PPP2R2A: variants seen among roughly 807,000 people sequenced by gnomAD.
PPP2R2A encodes the protein serine/threonine-protein phosphatase 2A 55 kDa regulatory subunit B alpha isoform.
Under a neutral mutation model 53.2 loss-of-function variants are expected in PPP2R2A, and 9 were observed. The ratio of observed to expected loss-of-function variants is 0.17; its 90% CI spans 0.10 to 0.30. The LOEUF is 0.30. PPP2R2A is among the 10% of genes least tolerant of loss of function. The probability of loss-of-function intolerance (pLI) is 1.00; values close to 1 mark genes in which losing one functional copy is unlikely to be tolerated. For missense variants in PPP2R2A, 235 were observed against 534.6 expected, an observed-to-expected ratio of 0.44 and a Z score of 5.53; for synonymous variants, 169 against 174.2, an observed-to-expected ratio of 0.97 and a Z score of 0.23.
At chr8:26,293,968 G>A (rs1330550574) in intron 2 of PPP2R2A, 5 of 500,252 alleles carry the variant, frequency 1.0e-5, no homozygotes, top group Non-Finnish European at 1.1e-5. Flanking sequence ...TGGAAGGAGC[G>A]GTAGATGATG....
intron 2 of PPP2R2A, among the ~76,000 whole-genome samples, chr8:26,316,510 TA>T (rs1245680277): frequency 6.6e-6 from 1 of 152,250 alleles, no homozygotes; most frequent in Non-Finnish European, 1.5e-5. Flanking sequence ...AATCAGTTTA[TA>T]TTTTTTTACT....
intron 2 of PPP2R2A, among the ~76,000 whole-genome samples, chr8:26,301,339 T>G (rs1801774425): frequency 7.4e-6 from 1 of 134,628 alleles, no homozygotes; most frequent in Non-Finnish European, 1.7e-5. Flanking sequence ...CTTTTTTTTG[T>G]TTTTTTTTTT....
At chr8:26,303,524 C>T (rs1801881621) in intron 2 of PPP2R2A, among the ~76,000 whole-genome samples, 1 of 152,166 alleles carries the variant, frequency 6.6e-6, no homozygotes, top group African/African-American at 2.4e-5. Context: ...TGCTAACTTT[C>T]CCAACTTAAC....
chr8:26,301,509 A>AT (rs1029539079), intron 2 of PPP2R2A, among the ~76,000 whole-genome samples: 2 of 150,720 alleles, frequency 1.3e-5, no homozygotes, highest in African/African-American at 4.9e-5. Context: ...GTTTTTAAAA[A>AT]TTTTTTTTTG....
chr8:26,317,779 C>G (rs771711068), intron 2 of PPP2R2A, among the ~76,000 whole-genome samples: 18 of 152,184 alleles, frequency 1.2e-4, no homozygotes, highest in Non-Finnish European at 2.5e-4. Context: ...TTCTCTCTCA[C>G]GTGACCATTG....
intron 2 of PPP2R2A, chr8:26,333,337 C>CT (rs1234790161): frequency 8.6e-6 from 2 of 233,848 alleles, no homozygotes; most frequent in African/African-American, 4.5e-5. Context: ...ATTTCTTTGT[C>CT]TTTTTTGTTT....
At chr8:26,294,338 A>G (rs1222772519) in intron 2 of PPP2R2A, among the ~76,000 whole-genome samples, 1 of 152,174 alleles carries the variant, frequency 6.6e-6, no homozygotes, top group East Asian at 1.9e-4. Context: ...TAGGAATCGT[A>G]TATTCTTGTG....
chr8:26,298,560 A>G (rs1412149106), intron 2 of PPP2R2A: 5 of 152,230 alleles, frequency 3.3e-5, no homozygotes, highest in Non-Finnish European at 7.3e-5. Flanking sequence ...CCACGCACAC[A>G]TTCTCTGCTG....
intron 8 of PPP2R2A, chr8:26,366,021 C>T (rs970270104): frequency 3.8e-6 from 1 of 265,812 alleles, no homozygotes; most frequent in Non-Finnish European, 7.0e-6. Flanking sequence ...CTTAACTGTG[C>T]CATTTTCAAG....
intron 3 of PPP2R2A, among the ~76,000 whole-genome samples, chr8:26,343,315 T>C (rs1804044473): frequency 6.6e-6 from 1 of 152,174 alleles, no homozygotes; most frequent in Non-Finnish European, 1.5e-5. Flanking sequence ...GATTCTTAAC[T>C]TTTTTGTTGT....
chr8:26,357,520 T>C (rs1804851599), intron 4 of PPP2R2A, among the ~76,000 whole-genome samples: 1 of 152,204 alleles, frequency 6.6e-6, no homozygotes, highest in Admixed American at 6.5e-5. Flanking sequence ...TTTAATTCTC[T>C]TTCTCTTTAA....
chr8:26,324,766 G>C (rs557665348), intron 2 of PPP2R2A, among the ~76,000 whole-genome samples: 1 of 152,184 alleles, frequency 6.6e-6, no homozygotes, highest in East Asian at 1.9e-4. Context: ...GCAGCCAGCA[G>C]GGAGGCTGTA....
intron 2 of PPP2R2A, among the ~76,000 whole-genome samples, chr8:26,332,424 A>G (rs766317600): frequency 6.6e-6 from 1 of 151,980 alleles, no homozygotes; most frequent in African/African-American, 2.4e-5. Context: ...TGAAAAAAAA[A>G]TACTTAAGCA....
At chr8:26,322,309 T>C (rs1802878042) in intron 2 of PPP2R2A, among the ~76,000 whole-genome samples, 4 of 152,204 alleles carry the variant, frequency 2.6e-5, no homozygotes, top group Non-Finnish European at 2.9e-5. Flanking sequence ...ACATAGCATT[T>C]GTTTTCGTTG....
chr8:26,294,393 T>A (rs1260370143), intron 2 of PPP2R2A, among the ~76,000 whole-genome samples: 3 of 152,204 alleles, frequency 2.0e-5, no homozygotes, highest in Non-Finnish European at 4.4e-5. Flanking sequence ...TACGTCTAAT[T>A]TTCTCCCCAA....
intron 9 of PPP2R2A, 65 bp downstream of exon 9, chr8:26,366,471 G>A: frequency 1.6e-6 from 2 of 1,261,498 alleles, no homozygotes. Context: ...TTTCATTCCA[G>A]GTCCTAACTT....
intron 2 of PPP2R2A, among the ~76,000 whole-genome samples, chr8:26,296,426 G>T (rs1801542493): frequency 1.3e-5 from 2 of 152,204 alleles, no homozygotes; most frequent in Non-Finnish European, 2.9e-5. Context: ...TGTTTTTGCT[G>T]CTTCCACCTT....
intron 2 of PPP2R2A, among the ~76,000 whole-genome samples, chr8:26,319,186 A>T (rs1191668989): frequency 6.6e-6 from 1 of 152,208 alleles, no homozygotes; most frequent in East Asian, 1.9e-4. Flanking sequence ...TGTATGTACC[A>T]CATTTTGTTT....
intron 1 of PPP2R2A, 25 bp downstream of exon 1, chr8:26,291,851 C>T (rs981834714): frequency 4.4e-6 from 7 of 1,608,126 alleles, no homozygotes; most frequent in Non-Finnish European, 5.9e-6. Flanking sequence ...CCCCTCGCCC[C>T]CTGACAAGGC....
Sources: allele counts gnomAD v4.1 joint callset (sites outside exome capture counted in the v4.1 genomes callset), GRCh38; gene constraint gnomAD v4.1.1; transcripts MANE v1.5; gene names NCBI Gene and HGNC (gene_info 2026-07-23, HGNC 2026-07-21).